The following GPLD1 variants were observed in gnomAD, a reference collection of about 807,000 sequenced individuals.
GPLD1 encodes glycosylphosphatidylinositol specific phospholipase D1, also known as phosphatidylinositol-glycan-specific phospholipase D.
GPLD1 carries 84 observed loss-of-function variants against 112.6 expected under a neutral mutation model. The ratio of observed to expected loss-of-function variants is 0.75; its 90% CI spans 0.63 to 0.89. The LOEUF (loss-of-function observed/expected upper bound fraction) is 0.89, where lower values mean the gene tolerates loss of function less well. Among genes scored for constraint, GPLD1 ranks in the 40% least tolerant of loss-of-function variants. The pLI, the probability that GPLD1 is intolerant of heterozygous loss-of-function variation, is 0.00. For synonymous variants in GPLD1, 386 were observed against 403.8 expected (o/e 0.96, Z 0.53); for missense variants, 1,044 against 1,051.5 (o/e 0.99, Z 0.10).
Position 24,448,978 on chromosome 6 carries a change from G to A in GPLD1, c.1447-770C>T, listed in dbSNP as rs540601950. On this transcript the variant is annotated intron_variant, in intron 15 of 24. Transcript: ENST00000230036. The stretch of plus-strand genomic sequence containing the variant: ...GAAAGGCTGGCACACAGGTCATTAT[G>A]ACACCCAGGGAAGAAGGGGATATAA... Among the ~76,000 whole-genome samples, 3 of 152,176 alleles carry A rather than the reference G, an allele frequency of 2.0e-5. No homozygotes were observed. In the South Asian group the frequency reaches 6.2e-4, roughly 32 times the overall value.
chr6:24,485,865 C>G (rs1764356201), intron 2 of GPLD1, among the ~76,000 whole-genome samples: 1 of 152,014 alleles, frequency 6.6e-6, no homozygotes, highest in Non-Finnish European at 1.5e-5. Context: ...GATGGGGTTT[C>G]TCCATATTAG....
At chr6:24,469,258 C>A (rs1165493518) in intron 7 of GPLD1, among the ~76,000 whole-genome samples, 1 of 145,278 alleles carries the variant, frequency 6.9e-6, no homozygotes, top group Non-Finnish European at 1.5e-5. Context: ...TACCATTTGA[C>A]CCAGCCATCC....
At chr6:24,456,377 A>G (rs765948050) in intron 13 of GPLD1, 121 bp downstream of exon 13, 60 of 678,108 alleles carry the variant, frequency 8.8e-5, no homozygotes, top group Non-Finnish European at 1.4e-4. Flanking sequence ...AGCCTGGGTG[A>G]CAAGTGAGAC....
upstream of GPLD1, among the ~76,000 whole-genome samples, chr6:24,492,460 C>T (rs1488598696): frequency 7.4e-5 from 10 of 135,240 alleles, no homozygotes; most frequent in Non-Finnish European, 1.5e-4. Context: ...GAGCTGAGAT[C>T]GTGCCATTGC....
chr6:24,450,398 G>C (rs1179968185), intron 14 of GPLD1, among the ~76,000 whole-genome samples: 2 of 152,162 alleles, frequency 1.3e-5, no homozygotes, highest in African/African-American at 4.8e-5. Context: ...CTACTCTGGA[G>C]ACTGAGGCAG....
intron 1 of GPLD1, among the ~76,000 whole-genome samples, chr6:24,487,271 A>T (rs757784193): frequency 1.3e-5 from 2 of 152,020 alleles, no homozygotes; most frequent in Non-Finnish European, 2.9e-5. Flanking sequence ...AGGCCCCTTT[A>T]TAAGAAATGA....
At chr6:24,436,387 T>C (rs1762578953) in intron 22 of GPLD1, among the ~76,000 whole-genome samples, 189 bp downstream of exon 22, 1 of 152,214 alleles carries the variant, frequency 6.6e-6, no homozygotes, top group Non-Finnish European at 1.5e-5. Context: ...ACTTTAGCTC[T>C]GGGCACAAAT....
intron 14 of GPLD1, among the ~76,000 whole-genome samples, chr6:24,453,699 C>CGT (rs59607870): frequency 0.17 from 25,468 of 150,392 alleles, 2,297 homozygotes; most frequent in Non-Finnish European, 0.2. Context: ...ACATACATTT[C>CGT]GTGTGTGTGT....
At chr6:24,424,513 A>G (rs1377063280), downstream of GPLD1, 2 of 152,234 alleles carry the variant, frequency 1.3e-5, no homozygotes, top group African/African-American at 4.8e-5. Flanking sequence ...AAGCTGACAG[A>G]TGAGCTTCCT....
At position 24,426,159 on chromosome 6, in the gene GPLD1, A is replaced by G. The variant is rs1177344446; in HGVS notation, c.*2873T>C. 1 of 152,254 alleles carries G rather than the reference A, an allele frequency of 6.6e-6. No homozygotes were observed. The highest frequency in any genetic ancestry group is 6.5e-5 in the Admixed American group (1 of 15,288). 9.4% of individuals were successfully genotyped at this position (152,254 alleles called of 1,614,324 possible). A position where few individuals can be genotyped will look rare whatever the true frequency, so the allele number is the denominator to read the frequency against. ...AATGCAAATATGTAAATGTCTTCTG[A>G]TATCTTGAAATAAAGATAAATTTCA... is the stretch of plus-strand genomic sequence containing the variant. On this transcript the variant is annotated 3_prime_UTR_variant, in exon 25 of 25. Transcript: ENST00000230036.
At chr6:24,441,104 A>G (rs1490374979) in intron 20 of GPLD1, among the ~76,000 whole-genome samples, 1 of 151,758 alleles carries the variant, frequency 6.6e-6, no homozygotes, top group Non-Finnish European at 1.5e-5. Flanking sequence ...GGAGTTTGAG[A>G]CCAGCCTGGC....
At position 24,489,555 on chromosome 6, in the gene GPLD1, A is replaced by G. The variant is rs770505168; in HGVS notation, c.-44T>C. The stretch of plus-strand genomic sequence containing the variant: ...CTTCTCTGGTGACGTGGGAATGCTC[A>G]GAGCTGCAGCAGCACTGGGACTCCA... On this transcript the variant is annotated 5_prime_UTR_variant, in exon 1 of 25. Transcript: ENST00000230036. The G allele has an allele frequency of 6.2e-7, 1 of 1,612,926 alleles. No individual in the cohort carries two copies. Among genetic ancestry groups the G allele is most frequent in the South Asian group, 1.1e-5 (1 of 90,896 alleles).
chr6:24,433,483 ACTTTTTTTT>A (rs1448727593), intron 22 of GPLD1, 94 bp from the exon 23 acceptor site: 7 of 508,982 alleles, frequency 1.4e-5, no homozygotes, highest in Admixed American at 4.9e-5. Flanking sequence ...CCTCATTTCT[ACTTTTTTTT>A]TTTTTTTTTT....
chr6:24,449,767 C>A, intron 15 of GPLD1, 22 bp downstream of exon 15: 1 of 1,543,292 alleles, frequency 6.5e-7, no homozygotes, highest in Non-Finnish European at 8.9e-7. Context: ...TCTCCTCCAA[C>A]CCTATCCAGC....
chr6:24,432,354 T>C (rs1336361588), intron 24 of GPLD1, among the ~76,000 whole-genome samples: 1 of 151,998 alleles, frequency 6.6e-6, no homozygotes, highest in East Asian at 1.9e-4. Context: ...TCCCAGCACT[T>C]TGGAAGGCAG....
rs755576058 is a variant in GPLD1, at chr6:24,447,965, C to A, written c.1590G>T (p.Leu530=). ...CTGGTGCAAAAGGGGAGCCGATGAC[C>A]AGATCGGGTTCACTGTCTCCATTCA... ...ADVNGDSEPD[L]VIGSPFAPGG... The change falls in exon 17 of 25, where the codon CTG becomes CTT. Residue 530 remains leucine, a synonymous_variant. Coordinates refer to ENST00000230036, the MANE Select transcript of GPLD1 (RefSeq NM_001503.4). 6.2e-7 allele frequency: 1 copy of A among 1,613,788 alleles called. No individual in the cohort carries two copies. Among genetic ancestry groups the A allele is most frequent in the Non-Finnish European group, 8.5e-7 (1 of 1,179,964 alleles).
chr6:24,470,067 C>A (rs907416129), intron 7 of GPLD1, among the ~76,000 whole-genome samples: 10 of 151,958 alleles, frequency 6.6e-5, no homozygotes, highest in African/African-American at 2.4e-4. Flanking sequence ...ATGGGACAAC[C>A]AGCTTTTGCC....
intron 11 of GPLD1, among the ~76,000 whole-genome samples, chr6:24,462,096 G>C (rs1052833167): frequency 1.3e-5 from 2 of 152,076 alleles, no homozygotes; most frequent in African/African-American, 4.8e-5. Context: ...TTATGAGTAA[G>C]ACAATAATAT....
chr6:24,468,788 G>A (rs1763703943), intron 7 of GPLD1, among the ~76,000 whole-genome samples: 1 of 152,088 alleles, frequency 6.6e-6, no homozygotes, highest in Non-Finnish European at 1.5e-5. Context: ...TGAGCTAACT[G>A]GCCAACAGCC....
Sources: allele counts gnomAD v4.1 joint callset (sites outside exome capture counted in the v4.1 genomes callset), GRCh38; gene constraint gnomAD v4.1.1; transcripts MANE v1.5; gene names NCBI Gene and HGNC (gene_info 2026-07-23, HGNC 2026-07-21).